FTCDNL1: variants seen among roughly 807,000 people sequenced by gnomAD.
FTCDNL1 encodes the protein formiminotransferase N-terminal subdomain-containing protein.
FTCDNL1 carries 11 observed loss-of-function variants against 5.9 expected under a neutral mutation model. That is an observed-to-expected ratio of 1.87 (90% confidence interval 1.18 to 3.10). The LOEUF is 3.10. Ranked by LOEUF, FTCDNL1 falls within the 30% of genes most tolerant of loss-of-function variation. The pLI is 0.00. For missense variants in FTCDNL1, 115 were observed against 65.5 expected, an observed-to-expected ratio of 1.76 and a Z score of -2.61; for synonymous variants, 58 against 24.8, an observed-to-expected ratio of 2.34 and a Z score of -3.99.
the FTCDNL1 span, among the ~76,000 whole-genome samples, chr2:199,716,033 TAAAAAAAAAAAAAAAAAAAA>T: frequency 1.6e-4 from 17 of 108,938 alleles, no homozygotes; most frequent in African/African-American, 6.2e-4. Flanking sequence ...TGCCTCTAGT[TAAAAAAAAAAAAAAAAAAAA>T]AAAAAAAAAA....
the FTCDNL1 span, among the ~76,000 whole-genome samples, chr2:199,709,126 T>C: frequency 6.6e-6 from 1 of 152,138 alleles, no homozygotes; most frequent in Non-Finnish European, 1.5e-5. Flanking sequence ...ATCTGTTCCA[T>C]ATCTTTCTCC....
chr2:199,776,956 A>ATGTG (rs1463129328), intron 3 of FTCDNL1, among the ~76,000 whole-genome samples: 6 of 110,172 alleles, frequency 5.4e-5, no homozygotes, highest in African/African-American at 2.3e-4. Flanking sequence ...AGATGTGTGT[A>ATGTG]TATGTGTGTG....
chr2:199,747,645 T>A, the FTCDNL1 span, among the ~76,000 whole-genome samples: 5 of 151,704 alleles, frequency 3.3e-5, no homozygotes, highest in South Asian at 1.0e-3. Context: ...GGACCCCTTT[T>A]CCCCGGAGGC....
the FTCDNL1 span, among the ~76,000 whole-genome samples, chr2:199,677,449 G>A: frequency 6.6e-6 from 1 of 152,192 alleles, no homozygotes; most frequent in African/African-American, 2.4e-5. Flanking sequence ...TATATAAGAT[G>A]TTGAGTTTTG....
At chr2:199,719,536 G>A in the FTCDNL1 span, among the ~76,000 whole-genome samples, 1 of 152,064 alleles carries the variant, frequency 6.6e-6, no homozygotes, top group Non-Finnish European at 1.5e-5. Flanking sequence ...ATGAATTTTA[G>A]GGTTGTTTTT....
chr2:199,671,133 C>G, the FTCDNL1 span, among the ~76,000 whole-genome samples: 1 of 147,302 alleles, frequency 6.8e-6, no homozygotes, highest in Non-Finnish European at 1.5e-5. Context: ...AAGAGGAAAC[C>G]AGGAAAGGCA....
At chr2:199,758,004 G>A (rs1405633087), downstream of FTCDNL1, among the ~76,000 whole-genome samples, 1 of 152,128 alleles carries the variant, frequency 6.6e-6, no homozygotes, top group East Asian at 1.9e-4. Flanking sequence ...GGGGGCTGGG[G>A]AAGTCTCCAA....
the FTCDNL1 span, among the ~76,000 whole-genome samples, chr2:199,675,233 C>T: frequency 6.6e-5 from 10 of 152,146 alleles, no homozygotes; most frequent in African/African-American, 2.4e-4. Flanking sequence ...TATTGTCCCA[C>T]TCTTGCTTTT....
In FTCDNL1 at chr2:199,809,396, C is replaced by A. The variant is rs1700906688; in HGVS notation, c.*3309G>T. 1.3e-5 allele frequency among the ~76,000 whole-genome samples: 2 copies of A among 151,948 alleles called. No individual in the cohort carries two copies. The highest frequency in any genetic ancestry group is 1.3e-4 in the Admixed American group (2 of 15,232). The stretch of plus-strand genomic sequence containing the variant: ...ATGAGCCACCACACCCAGCCAAACT[C>A]TTTATTTTTAATTCCTTAAAATAAA... On this transcript the variant is annotated 3_prime_UTR_variant, in exon 5 of 5. Transcript: ENST00000420128.
intron 3 of FTCDNL1, among the ~76,000 whole-genome samples, chr2:199,794,663 A>C (rs1183850804): frequency 1.3e-5 from 2 of 152,194 alleles, no homozygotes; most frequent in Non-Finnish European, 2.9e-5. Context: ...GGATCACTTG[A>C]GTCCAGGAGT....
chr2:199,849,182 C>T (rs992969612), intron 1 of FTCDNL1, among the ~76,000 whole-genome samples: 8 of 152,132 alleles, frequency 5.3e-5, no homozygotes, highest in Non-Finnish European at 5.9e-5. Flanking sequence ...AACCTTGTAA[C>T]GACACTGGAA....
intron 3 of FTCDNL1, among the ~76,000 whole-genome samples, chr2:199,843,759 C>G (rs1174246411): frequency 2.6e-5 from 4 of 152,180 alleles, no homozygotes; most frequent in Admixed American, 1.3e-4. Flanking sequence ...GCCTCTGCAT[C>G]TTGTAATTAA....
chr2:199,721,559 G>A, the FTCDNL1 span, among the ~76,000 whole-genome samples: 6 of 152,186 alleles, frequency 3.9e-5, no homozygotes, highest in Admixed American at 2.6e-4. Context: ...ATGTCTTTGC[G>A]ATTGTGAATA....
At chr2:199,747,674 A>G in the FTCDNL1 span, among the ~76,000 whole-genome samples, 4 of 152,036 alleles carry the variant, frequency 2.6e-5, no homozygotes, top group Admixed American at 2.6e-4. Context: ...ATCGTTTATG[A>G]TTTGCATTTC....
At chr2:199,833,786 C>A (rs1346213833) in intron 3 of FTCDNL1, among the ~76,000 whole-genome samples, 1 of 152,210 alleles carries the variant, frequency 6.6e-6, no homozygotes, top group Non-Finnish European at 1.5e-5. Flanking sequence ...AAAGCTGGCA[C>A]TACCTCTCAC....
the FTCDNL1 span, among the ~76,000 whole-genome samples, chr2:199,699,989 C>A: frequency 1.7e-5 from 2 of 121,026 alleles, no homozygotes; most frequent in East Asian, 2.9e-4. Context: ...AGAACTGGGA[C>A]AAGACAAGGA....
At chr2:199,758,064 T>C (rs1339868545), downstream of FTCDNL1, among the ~76,000 whole-genome samples, 1 of 152,162 alleles carries the variant, frequency 6.6e-6, no homozygotes, top group Non-Finnish European at 1.5e-5. Context: ...CTAGCCAACA[T>C]TCAGCAAAAC....
At chr2:199,776,909 T>G in intron 3 of FTCDNL1, among the ~76,000 whole-genome samples, 2 of 118,128 alleles carry the variant, frequency 1.7e-5, no homozygotes, top group East Asian at 3.0e-4. Flanking sequence ...GTGTAATATA[T>G]GTGTATGTAT....
chr2:199,755,098 T>C, the FTCDNL1 span, among the ~76,000 whole-genome samples: 1 of 152,136 alleles, frequency 6.6e-6, no homozygotes, highest in East Asian at 1.9e-4. Context: ...GAACCTCAAT[T>C]TCACATCTCC....
Sources: gnomAD v4.1 joint callset for allele counts (sites outside exome capture counted in the v4.1 genomes callset) on GRCh38, gnomAD v4.1.1 for gene constraint, MANE v1.5 for transcripts, NCBI Gene and HGNC (gene_info 2026-07-23, HGNC 2026-07-21) for gene names.